The following PTPRT variants were observed in gnomAD, a reference collection of about 807,000 sequenced individuals.
The protein encoded by PTPRT is receptor-type tyrosine-protein phosphatase T.
PTPRT carries 56 observed loss-of-function variants against 176.8 expected under a neutral mutation model. The observed-to-expected ratio is 0.32, with a 90% CI of 0.26 to 0.40. The LOEUF is 0.40. Among genes scored for constraint, PTPRT ranks in the 10% least tolerant of loss-of-function variants. PTPRT has a pLI of 1.00. For missense variants in PTPRT, 1,540 were observed against 1,908.2 expected (o/e 0.81, Z 3.60); for synonymous variants, 783 against 739.0 (o/e 1.06, Z -0.96).
intron 1 of PTPRT, among the ~76,000 whole-genome samples, chr20:43,155,001 A>G (rs2014477164): frequency 6.6e-6 from 1 of 152,214 alleles, no homozygotes; most frequent in African/African-American, 2.4e-5. Context: ...CTACAACGAG[A>G]TATCATCTCA....
At chr20:42,144,227 A>C (rs1241227761) in intron 17 of PTPRT, among the ~76,000 whole-genome samples, 3 of 152,158 alleles carry the variant, frequency 2.0e-5, no homozygotes, top group Non-Finnish European at 4.4e-5. Flanking sequence ...TGATTTATTG[A>C]GATGGAGAAG....
intron 9 of PTPRT, among the ~76,000 whole-genome samples, chr20:42,367,569 TTAG>T (rs1324876990): frequency 5.9e-5 from 9 of 152,082 alleles, no homozygotes; most frequent in Non-Finnish European, 8.8e-5. Flanking sequence ...ATTTGGTATG[TTAG>T]TAGATGATAA....
chr20:42,271,946 T>G (rs2056943155), intron 13 of PTPRT, among the ~76,000 whole-genome samples: 1 of 152,222 alleles, frequency 6.6e-6, no homozygotes, highest in Admixed American at 6.5e-5. Flanking sequence ...CATGAAATAC[T>G]ATAAAATTTA....
chr20:42,389,054 C>G (rs2058773210), intron 9 of PTPRT, among the ~76,000 whole-genome samples: 1 of 149,852 alleles, frequency 6.7e-6, no homozygotes, highest in Admixed American at 6.7e-5. Flanking sequence ...CATGTTCTCA[C>G]TCATAGGTGG....
intron 1 of PTPRT, among the ~76,000 whole-genome samples, chr20:42,933,192 A>C (rs1259546488): frequency 6.6e-6 from 1 of 151,988 alleles, no homozygotes; most frequent in African/African-American, 2.4e-5. Context: ...GCTAATTCAT[A>C]CCTCAGGGCC....
At chr20:43,051,145 C>T (rs989350931) in intron 1 of PTPRT, among the ~76,000 whole-genome samples, 5 of 152,156 alleles carry the variant, frequency 3.3e-5, no homozygotes, top group Non-Finnish European at 5.9e-5. Context: ...CATGTTCTAG[C>T]GAAAGTCTTT....
chr20:42,748,912 C>T lies in PTPRT; in HGVS notation c.859+7550G>A, dbSNP rs545017634. Among the ~76,000 whole-genome samples, 22 of 152,230 alleles carry T rather than the reference C, an allele frequency of 1.4e-4. No homozygotes were observed. The East Asian group carries it at 2.1e-3, about 15-fold the overall frequency. On this transcript the variant is annotated intron_variant, in intron 6 of 30. Transcript: ENST00000373187. ...CAGCAGTTACTCACTTGAGAATGTACCCTTTATTCGCTGCCCTTGATTCTC... is the reference window on the plus strand; with the variant it reads ...CAGCAGTTACTCACTTGAGAATGTATCCTTTATTCGCTGCCCTTGATTCTC...
intron 2 of PTPRT, among the ~76,000 whole-genome samples, chr20:42,859,923 G>C (rs1390915230): frequency 2.0e-5 from 3 of 152,000 alleles, no homozygotes; most frequent in African/African-American, 7.2e-5. Flanking sequence ...TGATGTTTAG[G>C]TTCTTAGGGA....
chr20:43,125,538 T>C (rs986610165), intron 1 of PTPRT, among the ~76,000 whole-genome samples: 1 of 152,232 alleles, frequency 6.6e-6, no homozygotes, highest in East Asian at 1.9e-4. Flanking sequence ...TCTATAAGCA[T>C]CCAACTTGCT....
chr20:42,417,035 T>G (rs1417954045), intron 9 of PTPRT, among the ~76,000 whole-genome samples: 1 of 152,156 alleles, frequency 6.6e-6, no homozygotes, highest in Non-Finnish European at 1.5e-5. Flanking sequence ...CACCAAAGCC[T>G]ACAGTTTCTC....
Position 42,142,195 on chromosome 20 carries a change from A to T in PTPRT, c.2683-193T>A, listed in dbSNP as rs79012907. Among the ~76,000 whole-genome samples, 4 of 152,286 alleles carry T rather than the reference A, an allele frequency of 2.6e-5. No individual in the cohort carries two copies. In the East Asian group the frequency reaches 7.7e-4, roughly 29 times the overall value. Reference sequence around the variant, plus strand: ...GACCTATTCTCTTGTTCATTGTTTCAAATGTTATTGATGTCTTCTGTGTCA... The same window carrying T: ...GACCTATTCTCTTGTTCATTGTTTCTAATGTTATTGATGTCTTCTGTGTCA... On this transcript the variant is annotated intron_variant, in intron 17 of 30. Transcript: ENST00000373187.
intron 13 of PTPRT, chr20:42,270,552 CT>C: frequency 9.7e-7 from 1 of 1,028,700 alleles, no homozygotes. Flanking sequence ...AACTGCAATT[CT>C]TGTGGCTCTG....
chr20:43,178,862 C>T (rs1259039930), intron 1 of PTPRT, among the ~76,000 whole-genome samples: 1 of 152,172 alleles, frequency 6.6e-6, no homozygotes, highest in Non-Finnish European at 1.5e-5. Flanking sequence ...TTCCCCAAGG[C>T]AGATGAAGGG....
chr20:42,312,898 C>T (rs2057657902), intron 12 of PTPRT, among the ~76,000 whole-genome samples: 2 of 146,124 alleles, frequency 1.4e-5, no homozygotes. Context: ...CTGTCGGAGG[C>T]ATTTGAACCT....
rs533156646 is a variant in PTPRT, at chr20:42,705,207, AAATAAT to A, written c.860-27054_860-27049del. On this transcript the variant is annotated intron_variant, in intron 6 of 30. Transcript: ENST00000373187. ...GCAAAAAGAGTGAAATTGTATCTCG[AAATAAT>A]AATAATAATAATTGTTACACACGTC... Among the ~76,000 whole-genome samples the A allele has an allele frequency of 1.0e-3, 158 of 152,186 alleles. 1 individual carries two copies. The highest frequency in any genetic ancestry group is 3.2e-3 in the African/African-American group (134 of 41,522).
intron 1 of PTPRT, among the ~76,000 whole-genome samples, chr20:43,011,600 G>A (rs1431302176): frequency 1.3e-5 from 2 of 152,330 alleles, no homozygotes; most frequent in East Asian, 1.9e-4. Context: ...ATGAGAGGAA[G>A]CTGGCAGGTA....
chr20:42,616,077 C>T (rs1319285259), intron 7 of PTPRT, among the ~76,000 whole-genome samples: 3 of 131,128 alleles, frequency 2.3e-5, no homozygotes, highest in Admixed American at 7.1e-5. Flanking sequence ...TTAGGTCTAA[C>T]GTTTAAATCT....
In PTPRT at chr20:42,926,833, A is replaced by G. The variant is rs206685; in HGVS notation, c.89-40901T>C. Among the ~76,000 whole-genome samples the G allele has an allele frequency of 3.4e-3, 522 of 152,308 alleles. 4 individuals carry two copies. The highest frequency in any genetic ancestry group is 0.012 in the African/African-American group (482 of 41,574). On this transcript the variant is annotated intron_variant, in intron 1 of 30. Coordinates refer to ENST00000373187, the MANE Select transcript of PTPRT (RefSeq NM_007050.6). ...CAGCAAGGGGGCAGCCAGGCTTACA[A>G]TGCATCCCCAAGAAAGGACGGCAGC...
intron 7 of PTPRT, among the ~76,000 whole-genome samples, chr20:42,559,846 G>A (rs1180237572): frequency 1.3e-5 from 2 of 152,164 alleles, no homozygotes; most frequent in African/African-American, 4.8e-5. Flanking sequence ...GAAAAATGTT[G>A]CAGCTCCTTA....
Sources: gnomAD v4.1 joint callset for allele counts (sites outside exome capture counted in the v4.1 genomes callset) on GRCh38, gnomAD v4.1.1 for gene constraint, MANE v1.5 for transcripts, NCBI Gene and HGNC (gene_info 2026-07-23, HGNC 2026-07-21) for gene names.